The following ZNF808 variants were observed in gnomAD, a reference collection of about 807,000 sequenced individuals.
ZNF808 encodes zinc finger protein 808.
In ZNF808, 5 loss-of-function variants were observed where a neutral mutation model predicts 8.7. That is an observed-to-expected ratio of 0.58 (90% CI 0.30 to 1.21). The LOEUF is 1.21. ZNF808 is among the 50% of genes most tolerant of loss of function. The pLI is 0.07. For synonymous variants in ZNF808, 380 were observed against 366.0 expected, an observed-to-expected ratio of 1.04 and a Z score of -0.44; for missense variants, 1,103 against 1,098.4, an observed-to-expected ratio of 1.00 and a Z score of -0.06.
At chr19:52,533,097 T>G (rs2059575405) in intron 2 of ZNF808, 88 bp downstream of exon 2, 1 of 152,226 alleles carries the variant, frequency 6.6e-6, no homozygotes, top group Non-Finnish European at 1.5e-5. Flanking sequence ...GAGATTTTCT[T>G]TCCTTTCATC....
intron 2 of ZNF808, among the ~76,000 whole-genome samples, 161 bp from the exon 3 acceptor site, chr19:52,543,105 T>G (rs753869712): frequency 6.6e-6 from 1 of 152,096 alleles, no homozygotes; most frequent in African/African-American, 2.4e-5. Flanking sequence ...CATACACTTG[T>G]AGGTCTTCCT....
At chr19:52,531,564 CA>C (rs1425350286) in intron 1 of ZNF808, among the ~76,000 whole-genome samples, 3 of 151,882 alleles carry the variant, frequency 2.0e-5, no homozygotes, top group Non-Finnish European at 4.4e-5. Flanking sequence ...CAAATTCTCT[CA>C]CAGGCACCAT....
At chr19:52,557,248 C>G (rs1296672237), downstream of ZNF808, among the ~76,000 whole-genome samples, 1 of 151,258 alleles carries the variant, frequency 6.6e-6, no homozygotes, top group East Asian at 1.9e-4. Context: ...GGATTACAGG[C>G]ATGAGCCACC....
Position 52,553,421 on chromosome 19 carries a change from A to C in ZNF808, c.505A>C (p.Ile169Leu). ...SFYSHLPELH[I>L]FQIKGEIANQ... is the part of the protein sequence containing the mutation. ...TTATTCACATCTGCCTGAACTCCAC[A>C]TATTTCAGATCAAAGGTGAAATTGC... The change falls in exon 5 of 5, where the codon ATA becomes CTA. Residue 169 changes from isoleucine (I) to leucine (L), a missense_variant. By Grantham distance (5) the Ile-to-Leu change is conservative (BLOSUM62 2). Transcript: ENST00000359798. 1 of 1,614,192 alleles carries C rather than the reference A, an allele frequency of 6.2e-7. No homozygotes were observed.
chr19:52,536,924 T>C (rs1187929029), intron 2 of ZNF808, among the ~76,000 whole-genome samples: 1 of 152,176 alleles, frequency 6.6e-6, no homozygotes, highest in Non-Finnish European at 1.5e-5. Flanking sequence ...CTTTGGCTCA[T>C]GCCTGTAATC....
chr19:52,543,284 C>A lies in ZNF808; in HGVS notation c.-1C>A. 1 of 1,613,588 alleles carries A rather than the reference C, an allele frequency of 6.2e-7. No individual in the cohort carries two copies. The highest frequency in any genetic ancestry group is 8.5e-7 in the Non-Finnish European group (1 of 1,179,736). On this transcript the variant is annotated 5_prime_UTR_variant, in exon 3 of 5. Transcript: ENST00000359798. ...CATACAGGATTGATTTCTAAAGACT[C>A]ATGTTACGTGAGGAAGCAGCTCAGA...
chr19:52,533,685 C>A (rs751309213), intron 2 of ZNF808, among the ~76,000 whole-genome samples: 2 of 151,408 alleles, frequency 1.3e-5, no homozygotes, highest in African/African-American at 2.4e-5. Context: ...GAAACCCTGT[C>A]TCTACTAAAA....
Position 52,555,560 on chromosome 19 carries a change from A to G in ZNF808, c.2644A>G (p.Lys882Glu). 1 of 1,613,828 alleles carries G rather than the reference A, an allele frequency of 6.2e-7. No individual in the cohort carries two copies. Among genetic ancestry groups the G allele is most frequent in the Non-Finnish European group, 8.5e-7 (1 of 1,179,900 alleles). The change falls in exon 5 of 5, where the codon AAA becomes GAA. Residue 882 changes from lysine to glutamate, a missense_variant. Physicochemically the swap from Lys to Glu is moderately conservative, Grantham distance 56. Transcript: ENST00000359798. ...EKPYKCNECG[K>E]AFSDRSTLIH... The stretch of plus-strand genomic sequence containing the variant: ...ACCTTACAAGTGTAATGAGTGTGGC[A>G]AAGCCTTTAGTGACCGGTCAACACT...
chr19:52,531,547 G>A (rs560141637), intron 1 of ZNF808, among the ~76,000 whole-genome samples: 15 of 144,960 alleles, frequency 1.0e-4, no homozygotes, highest in Non-Finnish European at 1.8e-4. Context: ...TAGTCAACAC[G>A]CATGACCAAA....
At position 52,555,042 on chromosome 19, in the gene ZNF808, G is replaced by A. The variant is rs1407962662; in HGVS notation, c.2126G>A (p.Cys709Tyr). The A allele has an allele frequency of 6.2e-7, 1 of 1,613,980 alleles. No homozygotes were observed. The highest frequency in any genetic ancestry group is 1.3e-5 in the African/African-American group (1 of 74,890). ...CACAGTGGAATGAAACCTTACAAGT[G>A]TAATGAGTGCAGCAAGACCTTCAGT... is the stretch of plus-strand genomic sequence containing the variant. The part of the protein sequence containing the change: ...RIHSGMKPYK[C>Y]NECSKTFSNR... The change falls in exon 5 of 5, where the codon TGT becomes TAT. Residue 709 changes from cysteine (C) to tyrosine (Y), a missense_variant. By Grantham distance (194) the Cys-to-Tyr change is radical. Coordinates refer to ENST00000359798, the MANE Select transcript of ZNF808 (RefSeq NM_001039886.4).
In ZNF808 at chr19:52,553,208, A is replaced by T. The variant is rs1416715438; in HGVS notation, c.292A>T (p.Ile98Phe). 1.2e-6 allele frequency: 2 copies of T among 1,613,982 alleles called. No homozygotes were observed. The highest frequency in any genetic ancestry group is 1.7e-6 in the Non-Finnish European group (2 of 1,180,004). ...ATTGCAAAGACATCAAAGTTATCAC[A>T]TTGGAGACTTTTGCTTCCAGGAAAT... ...GTLQRHQSYH[I>F]GDFCFQEIEK... Residue 98 changes from isoleucine (I) to phenylalanine (F), a missense_variant, in exon 5 of 5, where the codon ATT (isoleucine) becomes TTT (phenylalanine). Coordinates refer to ENST00000359798, the MANE Select transcript of ZNF808 (RefSeq NM_001039886.4).
At chr19:52,557,989 G>A (rs2059843657), downstream of ZNF808, among the ~76,000 whole-genome samples, 1 of 138,706 alleles carries the variant, frequency 7.2e-6, no homozygotes, top group South Asian at 2.5e-4. Flanking sequence ...GAAATGACTG[G>A]CAAAATGGAG....
At chr19:52,536,824 G>T (rs1230095026) in intron 2 of ZNF808, among the ~76,000 whole-genome samples, 3 of 152,110 alleles carry the variant, frequency 2.0e-5, no homozygotes, top group African/African-American at 7.2e-5. Context: ...CAGAGGAGAC[G>T]CAGAGATAAG....
rs2059832156 is a variant in ZNF808 at position 52,555,917 on chromosome 19, C to T, written c.*289C>T. 9 of 675,796 alleles carry T rather than the reference C, an allele frequency of 1.3e-5. No individual in the cohort carries two copies. Among genetic ancestry groups the T allele is most frequent in the Non-Finnish European group, 2.0e-5 (7 of 357,028 alleles). The allele number at this position is 675,796 out of a possible 1,614,324, so 41.9% of individuals were successfully genotyped here. A position where few individuals can be genotyped will look rare whatever the true frequency, so the allele number is the denominator to read the frequency against. On this transcript the variant is annotated 3_prime_UTR_variant, in exon 5 of 5. Transcript: ENST00000359798. Reference sequence around the variant, plus strand: ...GCAAAGCCTTTACTTCACATTCACACCTCGTTGGACATCAGAGAATCCATA... The same window carrying T: ...GCAAAGCCTTTACTTCACATTCACATCTCGTTGGACATCAGAGAATCCATA...
chr19:52,529,013 AAAC>A (rs2059536772), intron 1 of ZNF808, among the ~76,000 whole-genome samples: 2 of 151,900 alleles, frequency 1.3e-5, no homozygotes, highest in Admixed American at 1.3e-4. Flanking sequence ...AAAGAAAAGA[AAAC>A]AAGAGCTAGA....
At chr19:52,566,254 C>T (rs912123182), downstream of ZNF808, among the ~76,000 whole-genome samples, 3 of 152,040 alleles carry the variant, frequency 2.0e-5, no homozygotes, top group African/African-American at 7.3e-5. Context: ...AAACCTCTGC[C>T]TCCCAGGTAC....
At chr19:52,565,820 C>T (rs1227929887), downstream of ZNF808, among the ~76,000 whole-genome samples, 1 of 152,118 alleles carries the variant, frequency 6.6e-6, no homozygotes, top group Non-Finnish European at 1.5e-5. Flanking sequence ...CAAGGTGTAT[C>T]TTATATGTAT....
chr19:52,564,943 A>G (rs12979584), downstream of ZNF808, among the ~76,000 whole-genome samples: 23,656 of 151,974 alleles, frequency 0.16, 3,162 homozygotes, highest in African/African-American at 0.37. Flanking sequence ...AAAATGAGCC[A>G]GGCGCTGTGG....
In ZNF808 at chr19:52,564,331, G is replaced by A. The variant is rs549869160; in HGVS notation, c.*1436G>A. ...CACTACCATCTGGAGACTTGGACAT[G>A]TTTTATTGGGAATATATTTTTTTCT... On this transcript the variant is annotated 3_prime_UTR_variant and NMD_transcript_variant, in exon 4 of 4. Transcript: ENST00000487863. 55 of 577,910 alleles carry A rather than the reference G, an allele frequency of 9.5e-5. No homozygotes were observed. The South Asian group carries it at 1.1e-3, about 12-fold the overall frequency. 35.8% of individuals were successfully genotyped at this position (577,910 alleles called of 1,614,324 possible).
Sources: allele counts gnomAD v4.1 joint callset (sites outside exome capture counted in the v4.1 genomes callset), GRCh38; gene constraint gnomAD v4.1.1; transcripts MANE v1.5; gene names NCBI Gene and HGNC (gene_info 2026-07-23, HGNC 2026-07-21).